Variants in PRDM8 observed in about 807,000 individuals in gnomAD.
PRDM8 encodes the protein PR domain zinc finger protein 8.
A neutral mutation model predicts 46.5 loss-of-function variants in PRDM8; 13 were observed. That is an observed-to-expected ratio of 0.28 (90% CI 0.18 to 0.44). The LOEUF is 0.44. Ranked by LOEUF, PRDM8 falls within the 20% of genes least tolerant of loss-of-function variation. The pLI is 1.00. For missense variants in PRDM8, 998 were observed against 955.0 expected (o/e 1.04, Z -0.59); for synonymous variants, 473 against 438.4 (o/e 1.08, Z -0.98).
intron 3 of PRDM8, 66 bp from the exon 4 acceptor site, chr4:80,201,848 C>A: frequency 6.3e-7 from 1 of 1,598,400 alleles, no homozygotes. Context: ...GCTGAGTAAT[C>A]ATGTGGTGTG....
chr4:80,202,257 C>T lies in PRDM8; in HGVS notation c.795C>T (p.Ala265=), dbSNP rs778848425. The T allele has an allele frequency of 6.2e-7, 1 of 1,611,850 alleles. No individual in the cohort carries two copies. The highest frequency in any genetic ancestry group is 1.7e-5 in the Admixed American group (1 of 59,974). ...AKPSTDFHNL[A]RELENSRGGS... ...CATCCACAGACTTCCACAACCTGGC[C>T]AGGGAGCTGGAAAACTCCCGGGGAG... Residue 265 remains alanine (A), a synonymous_variant, in exon 4 of 4, where the codon GCC becomes GCT. Transcript: ENST00000415738.
At chr4:80,196,326 C>G (rs1578253072), upstream of PRDM8, 1 of 985,306 alleles carries the variant, frequency 1.0e-6, no homozygotes, top group Non-Finnish European at 1.2e-6. Context: ...ACTGTCTATA[C>G]CACTCAAAGG....
intron 2 of PRDM8, among the ~76,000 whole-genome samples, chr4:80,200,873 T>C (rs992146360): frequency 6.6e-6 from 1 of 152,230 alleles, no homozygotes; most frequent in Admixed American, 6.5e-5. Flanking sequence ...CTAGCCAAGA[T>C]TAGGAACATG....
At position 80,203,746 on chromosome 4, in the gene PRDM8, C is replaced by A. The variant is rs76116250; in HGVS notation, c.*214C>A. Reference sequence around the variant, plus strand: ...ATTTACCCGGGACACACACCCCCCCCCACACACACACACAGACACACTCAC... The same window carrying A: ...ATTTACCCGGGACACACACCCCCCCACACACACACACACAGACACACTCAC... On this transcript the variant is annotated 3_prime_UTR_variant, in exon 4 of 4. Transcript: ENST00000415738. 98,417 of 452,244 alleles carry A rather than the reference C, an allele frequency of 0.22. 15,026 individuals carry two copies. Among genetic ancestry groups the A allele is most frequent in the East Asian group, 0.65 (13,930 of 21,352 alleles). 28.0% of individuals were successfully genotyped at this position (452,244 alleles called of 1,614,324 possible).
upstream of PRDM8, chr4:80,194,244 G>A (rs1346338903): frequency 3.1e-6 from 3 of 969,748 alleles, no homozygotes; most frequent in African/African-American, 1.8e-5. Flanking sequence ...AACAAGGTGA[G>A]CATACCCACT....
upstream of PRDM8, chr4:80,196,071 C>T (rs1737938350): frequency 1.0e-6 from 1 of 985,092 alleles, no homozygotes; most frequent in South Asian, 4.7e-5. Flanking sequence ...GCCTCAATAC[C>T]CCACTGAGTT....
At chr4:80,198,980 G>GTTTTTTTTTTTTGTT (rs1738192293) in intron 1 of PRDM8, among the ~76,000 whole-genome samples, 1 of 104,190 alleles carries the variant, frequency 9.6e-6, no homozygotes, top group African/African-American at 3.5e-5. Flanking sequence ...GTTTTTTTGG[G>GTTTTTTTTTTTTGTT]TTTTTTTTTT....
rs1475421856 is a variant in PRDM8, at chr4:80,203,719, A to T, written c.*187A>T. On this transcript the variant is annotated 3_prime_UTR_variant, in exon 4 of 4. Transcript: ENST00000415738. ...CTCTCCTCCCAGGAACCTCATTCAAATATTTACCCGGGACACACACCCCCC... is the reference window on the plus strand; with the variant it reads ...CTCTCCTCCCAGGAACCTCATTCAATTATTTACCCGGGACACACACCCCCC... 39 of 838,972 alleles carry T rather than the reference A, an allele frequency of 4.6e-5. No individual in the cohort carries two copies. The East Asian group carries it at 8.7e-4, about 19-fold the overall frequency. The allele number at this position is 838,972 out of a possible 1,614,324, so 52.0% of individuals were successfully genotyped here.
At chr4:80,200,609 G>A (rs939331060) in intron 2 of PRDM8, among the ~76,000 whole-genome samples, 3 of 152,224 alleles carry the variant, frequency 2.0e-5, no homozygotes, top group Admixed American at 6.5e-5. Context: ...CTGGGGTGGA[G>A]GCTATTTGCA....
At chr4:80,187,249 C>A (rs60248334) in intron 1 of PRDM8, among the ~76,000 whole-genome samples, 1 of 121,638 alleles carries the variant, frequency 8.2e-6, no homozygotes, top group African/African-American at 2.9e-5. Context: ...TGCCCTGGGG[C>A]GGGGGGAAGC....
chr4:80,190,951 T>C (rs952090998), intron 1 of PRDM8, among the ~76,000 whole-genome samples: 1 of 152,228 alleles, frequency 6.6e-6, no homozygotes, highest in Non-Finnish European at 1.5e-5. Flanking sequence ...AGAATATAGA[T>C]AATGCTGTGG....
chr4:80,202,145 G>C lies in PRDM8; in HGVS notation c.683G>C (p.Cys228Ser). The change falls in exon 4 of 4, where the codon TGC (cysteine) becomes TCC (serine). Residue 228 changes from cysteine to serine, a missense_variant. Coordinates refer to ENST00000415738, the MANE Select transcript of PRDM8 (RefSeq NM_001099403.2). ...CCTTTAGGCCCGGGTCCCAAGTTTT[G>C]CAAAGCCGGCCCCCTCCACCACTAC... ...EAPLGPGPKF[C>S]KAGPLHHYPS... is the part of the protein sequence containing the mutation. 2.5e-6 allele frequency: 4 copies of C among 1,610,688 alleles called. No individual in the cohort carries two copies. The highest frequency in any genetic ancestry group is 3.4e-6 in the Non-Finnish European group (4 of 1,179,248).
chr4:80,191,700 G>C (rs537078151), intron 2 of PRDM8: 37 of 152,282 alleles, frequency 2.4e-4, no homozygotes, highest in African/African-American at 7.7e-4. Flanking sequence ...TAGCTTTCAA[G>C]TGTTTTTGAA....
At chr4:80,197,908 G>A in intron 1 of PRDM8, 145 bp downstream of exon 1, 2 of 807,102 alleles carry the variant, frequency 2.5e-6, no homozygotes, top group Non-Finnish European at 3.0e-6. Flanking sequence ...CAGTAATATT[G>A]TACAAAAGGA....
At chr4:80,199,535 C>T (rs1343482347) in intron 1 of PRDM8, among the ~76,000 whole-genome samples, 2 of 152,000 alleles carry the variant, frequency 1.3e-5, no homozygotes, top group Non-Finnish European at 2.9e-5. Context: ...CCGCTGTCTC[C>T]GCCTGCTCAC....
intron 1 of PRDM8, among the ~76,000 whole-genome samples, chr4:80,199,740 C>A (rs866437736): frequency 1.4e-5 from 1 of 73,928 alleles, no homozygotes. Flanking sequence ...TGTGTGTGTA[C>A]ATATATATAT....
At position 80,202,943 on chromosome 4, in the gene PRDM8, C is replaced by A; in HGVS notation, c.1481C>A (p.Ser494Ter). The A allele has an allele frequency of 6.8e-7, 1 of 1,464,356 alleles. No homozygotes were observed. Among genetic ancestry groups the A allele is most frequent in the South Asian group, 1.3e-5 (1 of 76,100 alleles). 90.7% of individuals were successfully genotyped at this position (1,464,356 alleles called of 1,614,324 possible). ...GGAGGGQGAA[S>*]DERKSAFSQP... The stretch of plus-strand genomic sequence containing the variant: ...GCGGGCGGGGGCCAGGGCGCCGCGT[C>A]GGACGAGCGCAAAAGCGCCTTCTCG... Residue 494 changes from serine (S) to a stop codon, truncating the protein, a stop_gained, in exon 4 of 4, where the codon TCG becomes TAG. Transcript: ENST00000415738. LOFTEE classifies it high-confidence loss of function.
Position 80,202,436 on chromosome 4 carries a change from G to A in PRDM8, c.974G>A (p.Gly325Asp). Residue 325 changes from glycine (G) to aspartate (D), a missense_variant, in exon 4 of 4, where the codon GGT becomes GAT. By Grantham distance (94) the Gly-to-Asp change is moderately conservative. Coordinates refer to ENST00000415738, the MANE Select transcript of PRDM8 (RefSeq NM_001099403.2). ...CCGGAGGAGGCGGCGGAGGGCGGCGGTGGCGCTGGTCTGGTAGGGGGCCGG... is the reference window on the plus strand; with the variant it reads ...CCGGAGGAGGCGGCGGAGGGCGGCGATGGCGCTGGTCTGGTAGGGGGCCGG... ...KFPEEAAEGG[G>D]GAGLVGGRGR... The A allele has an allele frequency of 1.3e-6, 2 of 1,548,008 alleles. No homozygotes were observed. Among genetic ancestry groups the A allele is most frequent in the Non-Finnish European group, 8.7e-7 (1 of 1,146,984 alleles).
intron 3 of PRDM8, 25 bp from the exon 4 acceptor site, chr4:80,201,889 T>C (rs199929186): frequency 2.5e-5 from 40 of 1,594,810 alleles, no homozygotes; most frequent in Middle Eastern, 3.7e-4. Context: ...TGCGTGCGTG[T>C]GTGTGGTGTT....
Sources: gnomAD v4.1 joint callset for allele counts (sites outside exome capture counted in the v4.1 genomes callset) on GRCh38, gnomAD v4.1.1 for gene constraint, MANE v1.5 for transcripts, NCBI Gene and HGNC (gene_info 2026-07-23, HGNC 2026-07-21) for gene names.